The following ARFIP1 variants were observed in gnomAD, a reference collection of about 807,000 sequenced individuals.
ARFIP1 encodes the protein arfaptin-1.
A neutral mutation model predicts 42.5 loss-of-function variants in ARFIP1; 24 were observed. The observed-to-expected ratio is 0.57, with a 90% CI of 0.41 to 0.80. ARFIP1 has a LOEUF of 0.80. Among genes scored for constraint, ARFIP1 ranks in the 30% least tolerant of loss-of-function variants. The pLI is 0.00. For missense variants in ARFIP1, 354 were observed against 434.0 expected, an observed-to-expected ratio of 0.82 and a Z score of 1.64; for synonymous variants, 141 against 153.7, an observed-to-expected ratio of 0.92 and a Z score of 0.61.
chr4:152,896,793 CCTTAT>C (rs1205739977), intron 8 of ARFIP1, among the ~76,000 whole-genome samples: 2 of 151,314 alleles, frequency 1.3e-5, no homozygotes, highest in African/African-American at 4.9e-5. Context: ...AAATACTGTG[CCTTAT>C]CTTTTTTTCC....
intron 1 of ARFIP1, chr4:152,810,159 ATTTT>A (rs1158359342): frequency 6.6e-6 from 1 of 152,198 alleles, no homozygotes; most frequent in Non-Finnish European, 1.5e-5. Flanking sequence ...TATATATTGG[ATTTT>A]TAAAGATTGT....
chr4:152,782,669 G>A (rs1038152967), intron 1 of ARFIP1, among the ~76,000 whole-genome samples: 1 of 152,292 alleles, frequency 6.6e-6, no homozygotes. Context: ...TGTTTCAGTG[G>A]TGTGGTCCTT....
chr4:152,896,335 G>A (rs1053151285), intron 8 of ARFIP1, among the ~76,000 whole-genome samples: 1 of 152,112 alleles, frequency 6.6e-6, no homozygotes, highest in East Asian at 1.9e-4. Flanking sequence ...TATTTCTACA[G>A]ATGAGAAAGA....
chr4:152,869,712 A>G (rs1734714494), intron 3 of ARFIP1, among the ~76,000 whole-genome samples: 1 of 152,204 alleles, frequency 6.6e-6, no homozygotes, highest in Admixed American at 6.5e-5. Context: ...TATAAGCATG[A>G]GCCGCCGCTC....
chr4:152,780,461 C>T lies in ARFIP1; in HGVS notation c.-10+235C>T, dbSNP rs75387393. Among the ~76,000 whole-genome samples, 1,253 of 152,298 alleles carry T rather than the reference C, an allele frequency of 8.2e-3. 10 individuals are homozygous for T. Among genetic ancestry groups the T allele is most frequent in the Non-Finnish European group, 0.013 (888 of 68,030 alleles). On this transcript the variant is annotated intron_variant, in intron 1 of 8. Coordinates refer to ENST00000353617, the MANE Select transcript of ARFIP1 (RefSeq NM_001025595.3). The stretch of plus-strand genomic sequence containing the variant: ...GTCGAGTGAAGGTGTAGGACCGGCC[C>T]TTGCAGGGAGGCACTCTCTTGGCTT...
intron 1 of ARFIP1, among the ~76,000 whole-genome samples, chr4:152,814,422 G>T (rs1729714976): frequency 6.6e-6 from 1 of 152,076 alleles, no homozygotes; most frequent in African/African-American, 2.4e-5. Context: ...CTTTAAAAAT[G>T]TTTCAGCTCA....
At chr4:152,832,242 C>T (rs1165729249) in intron 2 of ARFIP1, among the ~76,000 whole-genome samples, 1 of 152,204 alleles carries the variant, frequency 6.6e-6, no homozygotes, top group East Asian at 1.9e-4. Context: ...CACATCCTTA[C>T]TAGCTCTTCA....
chr4:152,813,565 C>T (rs1407979624), intron 1 of ARFIP1, among the ~76,000 whole-genome samples: 2 of 152,074 alleles, frequency 1.3e-5, no homozygotes, highest in Non-Finnish European at 1.5e-5. Context: ...AGCTGTACTT[C>T]TTTGCATTAT....
At chr4:152,878,760 C>T (rs893471738) in intron 5 of ARFIP1, among the ~76,000 whole-genome samples, 2 of 152,174 alleles carry the variant, frequency 1.3e-5, no homozygotes, top group South Asian at 4.1e-4. Context: ...AAAGGCCACT[C>T]AGACAGCAGT....
At chr4:152,803,366 A>G (rs1439053114) in intron 1 of ARFIP1, among the ~76,000 whole-genome samples, 2 of 152,124 alleles carry the variant, frequency 1.3e-5, no homozygotes, top group Admixed American at 6.5e-5. Context: ...CAATTTACAG[A>G]ATTTCTCACC....
intron 5 of ARFIP1, among the ~76,000 whole-genome samples, chr4:152,880,484 T>C (rs1735745976): frequency 6.6e-6 from 1 of 152,204 alleles, no homozygotes; most frequent in South Asian, 2.1e-4. Flanking sequence ...TCCCCCCCGC[T>C]TTCATTCCTT....
At chr4:152,852,116 C>T (rs1224636661) in intron 2 of ARFIP1, among the ~76,000 whole-genome samples, 2 of 152,070 alleles carry the variant, frequency 1.3e-5, no homozygotes, top group African/African-American at 4.8e-5. Context: ...CAGGTTTATC[C>T]CATTTTATTA....
At chr4:152,818,029 T>C (rs1357100780) in intron 1 of ARFIP1, among the ~76,000 whole-genome samples, 1 of 152,244 alleles carries the variant, frequency 6.6e-6, no homozygotes, top group African/African-American at 2.4e-5. Flanking sequence ...ATGCAGCTGC[T>C]ATGGAAAACA....
chr4:152,847,902 G>A (rs532491797), intron 2 of ARFIP1, among the ~76,000 whole-genome samples: 2 of 152,266 alleles, frequency 1.3e-5, no homozygotes, highest in South Asian at 4.1e-4. Context: ...ATCCACTAAT[G>A]TAGGGTGTTT....
At chr4:152,871,030 T>C (rs957940966) in intron 4 of ARFIP1, among the ~76,000 whole-genome samples, 182 bp downstream of exon 4, 5 of 152,230 alleles carry the variant, frequency 3.3e-5, no homozygotes, top group Non-Finnish European at 5.9e-5. Flanking sequence ...TTGTGGCTTT[T>C]CAGAATAATT....
chr4:152,802,746 A>G (rs1414601555), intron 1 of ARFIP1, among the ~76,000 whole-genome samples: 2 of 152,206 alleles, frequency 1.3e-5, no homozygotes, highest in Non-Finnish European at 1.5e-5. Context: ...ACGTTTTACT[A>G]TGAATAATGT....
intron 2 of ARFIP1, among the ~76,000 whole-genome samples, chr4:152,848,285 C>T (rs77147672): frequency 0.01 from 1,526 of 152,246 alleles, 22 homozygotes; most frequent in African/African-American, 0.034. Context: ...CAGTTTTTGG[C>T]ACTTACTACC....
chr4:152,861,877 C>A (rs1407625285), intron 2 of ARFIP1, among the ~76,000 whole-genome samples: 1 of 151,820 alleles, frequency 6.6e-6, no homozygotes, highest in Non-Finnish European at 1.5e-5. Context: ...AAATTTCATC[C>A]CTTCTGTCTG....
chr4:152,874,930 A>G (rs1561161388), intron 5 of ARFIP1, among the ~76,000 whole-genome samples: 3 of 152,208 alleles, frequency 2.0e-5, no homozygotes, highest in South Asian at 4.1e-4. Flanking sequence ...CCCAAAGTGC[A>G]GGGACTTACA....
Sources: allele counts gnomAD v4.1 joint callset (sites outside exome capture counted in the v4.1 genomes callset), GRCh38; gene constraint gnomAD v4.1.1; transcripts MANE v1.5; gene names NCBI Gene and HGNC (gene_info 2026-07-23, HGNC 2026-07-21).